The following CELSR1 variants were observed in gnomAD, a reference collection of about 807,000 sequenced individuals.
CELSR1 encodes the protein cadherin EGF LAG seven-pass G-type receptor 1.
CELSR1 carries 110 observed loss-of-function variants against 249.1 expected under a neutral mutation model. That is an observed-to-expected ratio of 0.44 (90% CI 0.38 to 0.52). The LOEUF (loss-of-function observed/expected upper bound fraction) is 0.52. Among genes scored for constraint, CELSR1 ranks in the 20% least tolerant of loss-of-function variants. The pLI is 0.00. For synonymous variants in CELSR1, 2,113 were observed against 1,900.0 expected, an observed-to-expected ratio of 1.11 and a Z score of -2.92; for missense variants, 4,109 against 4,296.4, an observed-to-expected ratio of 0.96 and a Z score of 1.22.
rs1033330022 is a variant in CELSR1 at position 46,533,906 on chromosome 22, T to C, written c.3265A>G (p.Ile1089Val). 6.2e-7 allele frequency: 1 copy of C among 1,613,224 alleles called. No homozygotes were observed. The highest frequency in any genetic ancestry group is 8.5e-7 in the Non-Finnish European group (1 of 1,180,032). ...TTGTCATTCTGGTCCACGAGAAGGA[T>C]GTGCACCGTGGCTCGGCTCACCAGC... is the stretch of plus-strand genomic sequence containing the variant. ...APLVSRATVH[I>V]LLVDQNDNPP... The change falls in exon 1 of 35, where the codon ATC becomes GTC. Residue 1089 changes from isoleucine to valine, a missense_variant. Physicochemically the swap from Ile to Val is conservative, Grantham distance 29 (BLOSUM62 3). Coordinates refer to ENST00000674500, the MANE Select transcript of CELSR1 (RefSeq NM_001378328.1).
chr22:46,469,682 A>C (rs1325088966), intron 1 of CELSR1, among the ~76,000 whole-genome samples: 1 of 151,422 alleles, frequency 6.6e-6, no homozygotes, highest in African/African-American at 2.4e-5. Context: ...CGCCTGGCTA[A>C]TTTTTGTATT....
At position 46,398,767 on chromosome 22, in the gene CELSR1, G is replaced by T; in HGVS notation, c.5413-130C>A. 1 of 668,026 alleles carries T rather than the reference G, an allele frequency of 1.5e-6. No individual in the cohort carries two copies. The highest frequency in any genetic ancestry group is 2.4e-6 in the Non-Finnish European group (1 of 409,228). The allele number at this position is 668,026 out of a possible 1,614,324, so 41.4% of individuals were successfully genotyped here. On this transcript the variant is annotated intron_variant, in intron 10 of 34. Transcript: ENST00000674500. The surrounding 1 kb of genome is among the most constrained non-coding windows in gnomAD (Gnocchi z 7.2). ...AACTCCGCAGAGCCTGAGGACATCT[G>T]GGCCTCCAAAGAGAGAGCTGGGCCC... is the stretch of plus-strand genomic sequence containing the variant.
rs9626872 is a variant in CELSR1 at position 46,437,843 on chromosome 22, G to A, written c.4406+1346C>T. Among the ~76,000 whole-genome samples the A allele has an allele frequency of 0.033, 4,967 of 152,044 alleles. 269 individuals carry two copies. The highest frequency in any genetic ancestry group is 0.11 in the African/African-American group (4,710 of 41,390). Reference sequence around the variant, plus strand: ...AAGAAATGACGACAAACACAAAGAAGAATACCCACACAGCACACTGATGCT... The same window carrying A: ...AAGAAATGACGACAAACACAAAGAAAAATACCCACACAGCACACTGATGCT... On this transcript the variant is annotated intron_variant, in intron 3 of 34. Transcript: ENST00000674500. This position sits in a 1 kb window ranked among gnomAD's most constrained non-coding sequence, Gnocchi z 4.9.
intron 1 of CELSR1, among the ~76,000 whole-genome samples, chr22:46,504,472 C>T (rs778482875): frequency 2.7e-5 from 4 of 147,552 alleles, no homozygotes; most frequent in East Asian, 2.0e-4. Flanking sequence ...TGAGATTGCG[C>T]CACTGCATCC....
intron 2 of CELSR1, among the ~76,000 whole-genome samples, chr22:46,462,570 G>A (rs867787970): frequency 2.2e-4 from 33 of 151,224 alleles, no homozygotes; most frequent in African/African-American, 7.8e-4. Flanking sequence ...CAGATTAATC[G>A]AGGACACAGT....
At chr22:46,369,619 G>A (rs2078828308) in intron 26 of CELSR1, 73 bp downstream of exon 26, 2 of 1,430,880 alleles carry the variant, frequency 1.4e-6, no homozygotes, top group Non-Finnish European at 2.0e-6. Context: ...GGTGGCCCCA[G>A]CCAACCCAGA....
chr22:46,361,482 TC>T lies in CELSR1; in HGVS notation c.*1740del, dbSNP rs1177238791. 6 of 152,326 alleles carry T rather than the reference TC, an allele frequency of 3.9e-5. No individual in the cohort carries two copies. The highest frequency in any genetic ancestry group is 7.3e-5 in the Non-Finnish European group (5 of 68,030). The allele number at this position is 152,326 out of a possible 1,614,324, so 9.4% of individuals were successfully genotyped here. A position where few individuals can be genotyped will look rare whatever the true frequency, so the allele number is the denominator to read the frequency against. On this transcript the variant is annotated 3_prime_UTR_variant, in exon 35 of 35. Coordinates refer to ENST00000674500, the MANE Select transcript of CELSR1 (RefSeq NM_001378328.1). ...TGTTAAAGTCATGAAAGGAGACTGTTCGAAGACTTAAAAACCTTTTCGTACT... is the reference window on the plus strand; with the variant it reads ...TGTTAAAGTCATGAAAGGAGACTGTTGAAGACTTAAAAACCTTTTCGTACT...
In CELSR1 at chr22:46,385,334, C is replaced by G. The variant is rs113932760; in HGVS notation, c.6740-648G>C. Among the ~76,000 whole-genome samples, 31 of 152,190 alleles carry G rather than the reference C, an allele frequency of 2.0e-4. 1 individual carries two copies. The highest frequency in any genetic ancestry group is 3.5e-4 in the Non-Finnish European group (24 of 68,008). On this transcript the variant is annotated intron_variant, in intron 19 of 34. Transcript: ENST00000674500. Reference sequence around the variant, plus strand: ...CTGGTTTCGAACTCCTGGGCTCAAGCAATCTGCCCATCTCAGCCTCCCAGT... The same window carrying G: ...CTGGTTTCGAACTCCTGGGCTCAAGGAATCTGCCCATCTCAGCCTCCCAGT...
At chr22:46,495,337 T>C (rs1450027535) in intron 1 of CELSR1, among the ~76,000 whole-genome samples, 1 of 152,154 alleles carries the variant, frequency 6.6e-6, no homozygotes, top group African/African-American at 2.4e-5. Flanking sequence ...CATATCTAAA[T>C]ATAGAAAAGG....
At chr22:46,457,664 G>C (rs904897269) in intron 2 of CELSR1, among the ~76,000 whole-genome samples, 1 of 152,214 alleles carries the variant, frequency 6.6e-6, no homozygotes, top group African/African-American at 2.4e-5. Flanking sequence ...AAGGCTTCCC[G>C]GGAATGCCCA....
intron 9 of CELSR1, among the ~76,000 whole-genome samples, chr22:46,400,945 C>G (rs557822491): frequency 6.8e-6 from 1 of 147,036 alleles, no homozygotes; most frequent in South Asian, 2.1e-4. Context: ...GAGTGAGAAC[C>G]TGTCTCAAAA....
chr22:46,513,502 G>C (rs976956775), intron 1 of CELSR1, among the ~76,000 whole-genome samples: 4 of 152,072 alleles, frequency 2.6e-5, no homozygotes, highest in African/African-American at 9.7e-5. Context: ...AGTATTTCAA[G>C]CAATATTCTC....
At chr22:46,528,994 A>G (rs5768900) in intron 1 of CELSR1, among the ~76,000 whole-genome samples, 102,433 of 150,834 alleles carry the variant, frequency 0.68, 36,105 homozygotes, top group African/African-American at 0.88. Context: ...GGCCGGGCAC[A>G]GTGGCTCACG....
At chr22:46,457,917 C>T (rs12158338) in intron 2 of CELSR1, among the ~76,000 whole-genome samples, 2,388 of 152,322 alleles carry the variant, frequency 0.016, 62 homozygotes, top group African/African-American at 0.054. Context: ...TTTCAGGCCC[C>T]GAGGGCATTA....
chr22:46,450,119 C>G (rs938738301), intron 2 of CELSR1, among the ~76,000 whole-genome samples: 4 of 152,206 alleles, frequency 2.6e-5, no homozygotes, highest in Non-Finnish European at 4.4e-5. Context: ...AAAGCCCAGG[C>G]GGCTGCAGCC....
At position 46,512,049 on chromosome 22, in the gene CELSR1, TG is replaced by T. The variant is rs1001757366; in HGVS notation, c.3544+21577del. On this transcript the variant is annotated intron_variant, in intron 1 of 34. Coordinates refer to ENST00000674500, the MANE Select transcript of CELSR1 (RefSeq NM_001378328.1). This position sits in a 1 kb window ranked among gnomAD's most constrained non-coding sequence, Gnocchi z 5.2. The stretch of plus-strand genomic sequence containing the variant: ...GAAACGCAGCAAGTCATTCAGGTTC[TG>T]GGGTCCTGAAGTGCCCCGAGCCCAC... Among the ~76,000 whole-genome samples, 1 of 151,974 alleles carries T rather than the reference TG, an allele frequency of 6.6e-6. No individual in the cohort carries two copies. The highest frequency in any genetic ancestry group is 1.5e-5 in the Non-Finnish European group (1 of 67,980).
rs900985092 is a variant in CELSR1 at position 46,395,852 on chromosome 22, G to A, written c.5843+753C>T. On this transcript the variant is annotated intron_variant, in intron 13 of 34. Transcript: ENST00000674500. This position sits in a 1 kb window ranked among gnomAD's most constrained non-coding sequence, Gnocchi z 5.5. ...TGATGACTACGCACCTGTACCCAGC[G>A]ATCCCCGTGCAAAGGGTACAGAGCC... is the stretch of plus-strand genomic sequence containing the variant. 6.6e-6 allele frequency among the ~76,000 whole-genome samples: 1 copy of A among 152,320 alleles called. No individual in the cohort carries two copies. The highest frequency in any genetic ancestry group is 2.1e-4 in the South Asian group (1 of 4,830).
At position 46,473,844 on chromosome 22, in the gene CELSR1, T is replaced by C. The variant is rs537434847; in HGVS notation, c.3545-9499A>G. On this transcript the variant is annotated intron_variant, in intron 1 of 34. Transcript: ENST00000674500. This position sits in a 1 kb window ranked among gnomAD's most constrained non-coding sequence, Gnocchi z 6.6. ...GTTTTGTTTTGTTTTAGAGGCCAGA[T>C]TGGGGCCAGACAACAGGTGCGATGT... Among the ~76,000 whole-genome samples the C allele has an allele frequency of 2.0e-3, 308 of 152,220 alleles. 1 individual carries two copies. Among genetic ancestry groups the C allele is most frequent in the Non-Finnish European group, 3.4e-3 (228 of 67,990 alleles).
At chr22:46,460,655 C>G (rs116071450) in intron 2 of CELSR1, among the ~76,000 whole-genome samples, 1 of 152,152 alleles carries the variant, frequency 6.6e-6, no homozygotes, top group Non-Finnish European at 1.5e-5. Flanking sequence ...CTCTGCAGAG[C>G]GGAGAAACTG....
Sources: gnomAD v4.1 joint callset for allele counts (sites outside exome capture counted in the v4.1 genomes callset) on GRCh38, gnomAD v4.1.1 for gene constraint, Gnocchi (gnomAD v3.1) non-coding constraint, MANE v1.5 for transcripts, NCBI Gene and HGNC (gene_info 2026-07-23, HGNC 2026-07-21) for gene names.